ARHGAP10: variants seen among roughly 807,000 people sequenced by gnomAD.
ARHGAP10 encodes rho GTPase-activating protein 10.
In ARHGAP10, 87 loss-of-function variants were observed where a neutral mutation model predicts 108.6. The ratio of observed to expected loss-of-function variants is 0.80; its 90% CI spans 0.67 to 0.96. The LOEUF (loss-of-function observed/expected upper bound fraction) is 0.96. ARHGAP10 is among the 40% of genes least tolerant of loss of function. The probability of loss-of-function intolerance (pLI) is 0.00; values close to 1 mark genes in which losing one functional copy is unlikely to be tolerated. For synonymous variants in ARHGAP10, 347 were observed against 341.1 expected (o/e 1.02, Z -0.19); for missense variants, 939 against 954.5 (o/e 0.98, Z 0.21).
chr4:147,846,388 G>A (rs1417557342), intron 3 of ARHGAP10, among the ~76,000 whole-genome samples: 1 of 152,040 alleles, frequency 6.6e-6, no homozygotes, highest in Non-Finnish European at 1.5e-5. Flanking sequence ...GATATTTCTG[G>A]TCTCCTGGAA....
chr4:147,916,200 A>G (rs11930985), intron 13 of ARHGAP10, among the ~76,000 whole-genome samples: 224 of 152,370 alleles, frequency 1.5e-3, no homozygotes, highest in African/African-American at 5.1e-3. Context: ...TCCATGTTCT[A>G]AATATGATTA....
At chr4:147,868,296 G>A (rs1027693161) in intron 7 of ARHGAP10, among the ~76,000 whole-genome samples, 2 of 151,824 alleles carry the variant, frequency 1.3e-5, no homozygotes, top group African/African-American at 4.8e-5. Flanking sequence ...AAGTGCAGTG[G>A]CACAACCACT....
At chr4:148,042,754 A>G (rs1170042498) in intron 19 of ARHGAP10, among the ~76,000 whole-genome samples, 1 of 152,176 alleles carries the variant, frequency 6.6e-6, no homozygotes, top group Admixed American at 6.5e-5. Flanking sequence ...ATAATTCAGC[A>G]TCTGTGGTAT....
intron 13 of ARHGAP10, among the ~76,000 whole-genome samples, chr4:147,936,400 C>T (rs1364071671): frequency 1.5e-5 from 2 of 136,776 alleles, no homozygotes; most frequent in African/African-American, 5.4e-5. Flanking sequence ...GCAATCTCGG[C>T]TCACTGCAAG....
At chr4:147,803,055 C>T (rs1364696787) in intron 1 of ARHGAP10, among the ~76,000 whole-genome samples, 1 of 151,842 alleles carries the variant, frequency 6.6e-6, no homozygotes, top group African/African-American at 2.4e-5. Context: ...GTTGCCCAGG[C>T]TGGAGGGCAG....
chr4:148,022,460 T>G (rs1560879240), intron 18 of ARHGAP10, among the ~76,000 whole-genome samples: 1 of 152,214 alleles, frequency 6.6e-6, no homozygotes, highest in Non-Finnish European at 1.5e-5. Flanking sequence ...ATGAAGGGCC[T>G]GCAGCATTGC....
At chr4:147,741,802 A>G (rs4835451) in intron 1 of ARHGAP10, among the ~76,000 whole-genome samples, 1,639 of 48,908 alleles carry the variant, frequency 0.034, 14 homozygotes, top group East Asian at 0.12. Context: ...GCACACACAC[A>G]CACACACACA....
intron 1 of ARHGAP10, among the ~76,000 whole-genome samples, chr4:147,789,734 A>T (rs920900908): frequency 6.6e-6 from 1 of 152,232 alleles, no homozygotes; most frequent in Non-Finnish European, 1.5e-5. Flanking sequence ...GCTAGGTGGT[A>T]TCAGAACTCT....
intron 1 of ARHGAP10, among the ~76,000 whole-genome samples, chr4:147,810,235 C>T (rs1162587161): frequency 6.6e-6 from 1 of 152,172 alleles, no homozygotes; most frequent in Non-Finnish European, 1.5e-5. Flanking sequence ...ACATAGTTGG[C>T]CATCTGGCAA....
chr4:147,819,173 CCTA>C (rs1400124358), intron 1 of ARHGAP10, among the ~76,000 whole-genome samples: 1 of 152,150 alleles, frequency 6.6e-6, no homozygotes, highest in Non-Finnish European at 1.5e-5. Flanking sequence ...TTCCAGAGAA[CCTA>C]CTATTCTGAC....
chr4:148,047,594 A>G (rs1038745988), intron 20 of ARHGAP10, among the ~76,000 whole-genome samples: 3 of 152,208 alleles, frequency 2.0e-5, no homozygotes, highest in African/African-American at 7.2e-5. Flanking sequence ...ATTAGGACAA[A>G]TAATATTAAT....
chr4:147,954,696 A>G (rs907396544), intron 15 of ARHGAP10, among the ~76,000 whole-genome samples: 1 of 152,160 alleles, frequency 6.6e-6, no homozygotes, highest in Non-Finnish European at 1.5e-5. Context: ...GATATGTAGC[A>G]AGGTGGACTG....
intron 19 of ARHGAP10, among the ~76,000 whole-genome samples, chr4:148,039,058 G>T (rs139143326): frequency 6.6e-6 from 1 of 152,000 alleles, no homozygotes; most frequent in East Asian, 1.9e-4. Flanking sequence ...CCCCCACCAT[G>T]TTGGTATTTT....
rs1728261936 is a variant in ARHGAP10 at position 147,732,576 on chromosome 4, T to C, written c.154+121T>C. ...AGCAGCCAGAGGAACGGGGAATTCA[T>C]TCCGGACCAGCCCAGCTCTCTCGGA... is the stretch of plus-strand genomic sequence containing the variant. On this transcript the variant is annotated intron_variant, in intron 1 of 22. Coordinates refer to ENST00000336498, the MANE Select transcript of ARHGAP10 (RefSeq NM_024605.4). 8 of 1,398,642 alleles carry C rather than the reference T, an allele frequency of 5.7e-6. No homozygotes were observed. In the Admixed American group the frequency reaches 1.7e-4, roughly 29 times the overall value. 86.6% of individuals were successfully genotyped at this position (1,398,642 alleles called of 1,614,324 possible). A position where few individuals can be genotyped will look rare whatever the true frequency, so the allele number is the denominator to read the frequency against.
At chr4:147,920,553 C>A (rs1208675269) in intron 13 of ARHGAP10, among the ~76,000 whole-genome samples, 1 of 152,152 alleles carries the variant, frequency 6.6e-6, no homozygotes, top group Non-Finnish European at 1.5e-5. Context: ...TAATCAGAAG[C>A]CAGTCAGTTA....
At chr4:148,033,031 C>T (rs1728222702) in intron 19 of ARHGAP10, among the ~76,000 whole-genome samples, 1 of 152,206 alleles carries the variant, frequency 6.6e-6, no homozygotes, top group Non-Finnish European at 1.5e-5. Context: ...TCAATCCAAT[C>T]ATGTTAACAC....
intron 12 of ARHGAP10, among the ~76,000 whole-genome samples, chr4:147,912,548 A>AACAAATATAT (rs1736790690): frequency 8.3e-6 from 1 of 120,334 alleles, no homozygotes; most frequent in South Asian, 2.5e-4. Context: ...CAAACAAACA[A>AACAAATATAT]ATATATATAT....
intron 18 of ARHGAP10, among the ~76,000 whole-genome samples, chr4:148,002,583 A>C (rs986854863): frequency 1.6e-4 from 25 of 152,086 alleles, no homozygotes; most frequent in African/African-American, 6.0e-4. Flanking sequence ...TATTGCTTCA[A>C]TTTCAGAGCC....
intron 1 of ARHGAP10, among the ~76,000 whole-genome samples, chr4:147,819,051 A>G (rs1732378726): frequency 6.6e-6 from 1 of 152,248 alleles, no homozygotes; most frequent in Non-Finnish European, 1.5e-5. Context: ...CATAGGGAGA[A>G]ATACATCAGA....
Sources: allele counts gnomAD v4.1 joint callset (sites outside exome capture counted in the v4.1 genomes callset), GRCh38; gene constraint gnomAD v4.1.1; transcripts MANE v1.5; gene names NCBI Gene and HGNC (gene_info 2026-07-23, HGNC 2026-07-21).